Variants in CDH13 observed in about 807,000 individuals in gnomAD.
The protein encoded by CDH13 is cadherin 13.
Under a neutral mutation model 63.8 loss-of-function variants are expected in CDH13, and 24 were observed. The observed-to-expected ratio is 0.38, with a 90% CI of 0.27 to 0.53. The LOEUF (loss-of-function observed/expected upper bound fraction) is 0.53. Ranked by LOEUF, CDH13 falls within the 20% of genes least tolerant of loss-of-function variation. The probability of loss-of-function intolerance (pLI) is 0.85; values close to 1 mark genes in which losing one functional copy is unlikely to be tolerated. For missense variants in CDH13, 1,049 were observed against 903.1 expected, an observed-to-expected ratio of 1.16 and a Z score of -2.07; for synonymous variants, 503 against 355.3, an observed-to-expected ratio of 1.42 and a Z score of -4.67.
chr16:83,089,072 A>G (rs8045679), intron 3 of CDH13, among the ~76,000 whole-genome samples: 77,972 of 152,042 alleles, frequency 0.51, 20,308 homozygotes, highest in Middle Eastern at 0.61. Flanking sequence ...CAGACTCCTG[A>G]GGCAGGGTTT....
chr16:83,749,873 C>T (rs1283707265), intron 11 of CDH13, among the ~76,000 whole-genome samples: 2 of 152,148 alleles, frequency 1.3e-5, no homozygotes, highest in African/African-American at 2.4e-5. Context: ...AGAGAGGGGA[C>T]ATCTCACCTG....
intron 4 of CDH13, among the ~76,000 whole-genome samples, chr16:83,212,557 A>C (rs775268648): frequency 6.6e-6 from 1 of 152,218 alleles, no homozygotes; most frequent in Non-Finnish European, 1.5e-5. Context: ...AGGTTTTTAA[A>C]AGACTTCCTG....
At chr16:83,363,444 G>C (rs2091201795) in intron 6 of CDH13, among the ~76,000 whole-genome samples, 1 of 152,262 alleles carries the variant, frequency 6.6e-6, no homozygotes, top group Non-Finnish European at 1.5e-5. Flanking sequence ...GGGTTAGCCT[G>C]TGAGTGGTCC....
At chr16:83,202,659 T>G (rs1377745691) in intron 4 of CDH13, among the ~76,000 whole-genome samples, 1 of 152,120 alleles carries the variant, frequency 6.6e-6, no homozygotes, top group Non-Finnish European at 1.5e-5. Context: ...ATAATAAGAG[T>G]AAGTGTTAAA....
At chr16:82,944,892 A>G (rs917732807) in intron 2 of CDH13, among the ~76,000 whole-genome samples, 14 of 152,192 alleles carry the variant, frequency 9.2e-5, no homozygotes, top group African/African-American at 2.7e-4. Flanking sequence ...GTATATAAAT[A>G]ACACTCAATA....
intron 9 of CDH13, among the ~76,000 whole-genome samples, chr16:83,673,982 A>G (rs1305632694): frequency 6.6e-6 from 1 of 152,062 alleles, no homozygotes; most frequent in Admixed American, 6.5e-5. Flanking sequence ...CTCACCCCAC[A>G]TTGGCTGCCT....
intron 4 of CDH13, among the ~76,000 whole-genome samples, chr16:83,128,758 G>A (rs1362546111): frequency 1.3e-5 from 2 of 152,168 alleles, no homozygotes; most frequent in East Asian, 3.9e-4. Flanking sequence ...ACATTCTTCT[G>A]CATTGTTTTT....
intron 1 of CDH13, among the ~76,000 whole-genome samples, chr16:82,811,280 AC>A: frequency 6.6e-6 from 1 of 152,282 alleles, no homozygotes; most frequent in Middle Eastern, 3.4e-3. Context: ...GGAAAACATT[AC>A]AGATCAGGAC....
chr16:83,780,484 C>A (rs1915441061), intron 12 of CDH13, among the ~76,000 whole-genome samples: 1 of 152,196 alleles, frequency 6.6e-6, no homozygotes, highest in South Asian at 2.1e-4. Context: ...CTGCTACATA[C>A]ACTATTTAGT....
At chr16:83,734,822 A>G (rs1438838989) in intron 10 of CDH13, among the ~76,000 whole-genome samples, 1 of 151,768 alleles carries the variant, frequency 6.6e-6, no homozygotes, top group African/African-American at 2.4e-5. Flanking sequence ...CCTTTAGGCA[A>G]TCCTGATGGA....
chr16:83,701,440 G>C (rs966748243), intron 10 of CDH13, among the ~76,000 whole-genome samples: 1 of 152,142 alleles, frequency 6.6e-6, no homozygotes. Context: ...CAGTCATAGA[G>C]GCCACATCCG....
At chr16:83,578,790 T>C (rs570928488) in intron 7 of CDH13, among the ~76,000 whole-genome samples, 2 of 152,334 alleles carry the variant, frequency 1.3e-5, no homozygotes, top group African/African-American at 4.8e-5. Flanking sequence ...TATTAATAAC[T>C]GCTCAATAAA....
chr16:83,270,493 G>A (rs971572985), intron 5 of CDH13, among the ~76,000 whole-genome samples: 1 of 152,178 alleles, frequency 6.6e-6, no homozygotes, highest in African/African-American at 2.4e-5. Context: ...ATATTTAAAT[G>A]ATGAAGCAGA....
intron 2 of CDH13, among the ~76,000 whole-genome samples, chr16:82,983,547 C>G (rs1393952992): frequency 1.3e-5 from 2 of 152,230 alleles, no homozygotes; most frequent in East Asian, 1.9e-4. Context: ...GATGCAAACT[C>G]CTTGGCACCA....
At chr16:82,754,690 A>G (rs1324275568) in intron 1 of CDH13, among the ~76,000 whole-genome samples, 1 of 152,202 alleles carries the variant, frequency 6.6e-6, no homozygotes, top group African/African-American at 2.4e-5. Flanking sequence ...AAGCAGCTCT[A>G]CCTTTTGTTA....
chr16:83,039,735 C>G lies in CDH13; in HGVS notation c.366+7517C>G, dbSNP rs184974385. ...AGTGGAGCGAGTTACCCCTCTCACA[C>G]CCTACATTGAACTCTCCCTCCTTCA... On this transcript the variant is annotated intron_variant, in intron 3 of 13. Transcript: ENST00000567109. 1.4e-3 allele frequency among the ~76,000 whole-genome samples: 217 copies of G among 152,206 alleles called. 1 individual carries two copies. Among genetic ancestry groups the G allele is most frequent in the Admixed American group, 4.7e-3 (72 of 15,292 alleles).
intron 6 of CDH13, among the ~76,000 whole-genome samples, chr16:83,426,508 A>G (rs1332003919): frequency 1.0e-5 from 1 of 96,918 alleles, no homozygotes; most frequent in Non-Finnish European, 2.3e-5. Flanking sequence ...CATGGAAACA[A>G]TCACACACAC....
intron 1 of CDH13, among the ~76,000 whole-genome samples, chr16:82,704,460 T>C (rs1490617436): frequency 6.6e-6 from 1 of 152,226 alleles, no homozygotes; most frequent in African/African-American, 2.4e-5. Context: ...CTCTAAGTCT[T>C]GGGACTGCAA....
intron 5 of CDH13, among the ~76,000 whole-genome samples, chr16:83,235,032 A>C (rs998913970): frequency 6.6e-6 from 1 of 152,184 alleles, no homozygotes; most frequent in African/African-American, 2.4e-5. Flanking sequence ...CCATCTCTAC[A>C]AAGTAAACAA....
Sources: allele counts gnomAD v4.1 joint callset (sites outside exome capture counted in the v4.1 genomes callset), GRCh38; gene constraint gnomAD v4.1.1; transcripts MANE v1.5; gene names NCBI Gene and HGNC (gene_info 2026-07-23, HGNC 2026-07-21).